LAMA2: variants seen among roughly 807,000 people sequenced by gnomAD.
LAMA2 encodes laminin subunit alpha-2.
LAMA2 carries 269 observed loss-of-function variants against 364.8 expected under a neutral mutation model. The ratio of observed to expected loss-of-function variants is 0.74; its 90% CI spans 0.67 to 0.82. The LOEUF (loss-of-function observed/expected upper bound fraction) is 0.82, where lower values mean the gene tolerates loss of function less well. Ranked by LOEUF, LAMA2 falls within the 40% of genes least tolerant of loss-of-function variation. The probability of loss-of-function intolerance (pLI) is 0.00; values close to 1 mark genes in which losing one functional copy is unlikely to be tolerated. For synonymous variants in LAMA2, 1,379 were observed against 1,370.6 expected, an observed-to-expected ratio of 1.01 and a Z score of -0.14; for missense variants, 3,807 against 3,873.2, an observed-to-expected ratio of 0.98 and a Z score of 0.45.
chr6:129,340,696 G>T (rs537593474), intron 29 of LAMA2, among the ~76,000 whole-genome samples: 1 of 151,810 alleles, frequency 6.6e-6, no homozygotes, highest in South Asian at 2.1e-4. Context: ...AATTAGCCTG[G>T]CGTGGTGGTA....
rs903222875 is a variant in LAMA2, at chr6:128,980,118, C to T, written c.113-69800C>T. 2.6e-5 allele frequency among the ~76,000 whole-genome samples: 4 copies of T among 152,238 alleles called. No individual in the cohort carries two copies. In the South Asian group the frequency reaches 8.3e-4, roughly 32 times the overall value. On this transcript the variant is annotated intron_variant, in intron 1 of 64. Transcript: ENST00000421865. ...CATAATTGCTGATATAGCCACCTGA[C>T]AGATCAGTAACCTCAGTGTAGCTGG...
chr6:129,288,817 A>G (rs1164986903), intron 19 of LAMA2, among the ~76,000 whole-genome samples: 1 of 152,220 alleles, frequency 6.6e-6, no homozygotes, highest in Non-Finnish European at 1.5e-5. Flanking sequence ...AAGTGAATCC[A>G]ATGTTAGCAT....
rs914317542 is a variant in LAMA2, at chr6:129,082,256, C to G, written c.397-15917C>G. Among the ~76,000 whole-genome samples the G allele has an allele frequency of 4.6e-5, 7 of 151,996 alleles. No homozygotes were observed. The South Asian group carries it at 8.3e-4, about 18-fold the overall frequency. On this transcript the variant is annotated intron_variant, in intron 3 of 64. Coordinates refer to ENST00000421865, the MANE Select transcript of LAMA2 (RefSeq NM_000426.4). The stretch of plus-strand genomic sequence containing the variant: ...ATATTGAATAATGCATTGCTTTGCT[C>G]AATTTTCTCATCTCTGAGCTTTCCT...
intron 19 of LAMA2, among the ~76,000 whole-genome samples, chr6:129,289,032 C>T (rs763789951): frequency 8.5e-5 from 13 of 152,110 alleles, no homozygotes; most frequent in Non-Finnish European, 1.3e-4. Flanking sequence ...CAGTAGGGTA[C>T]CCTATTTCAT....
intron 3 of LAMA2, among the ~76,000 whole-genome samples, chr6:129,077,462 C>T (rs7759703): frequency 0.95 from 145,085 of 152,286 alleles, 69,189 homozygotes; most frequent in East Asian, 0.97. Flanking sequence ...ATAACTGAGA[C>T]TTTGCAGATT....
chr6:128,886,646 G>A (rs2114369737), intron 1 of LAMA2, among the ~76,000 whole-genome samples: 1 of 152,228 alleles, frequency 6.6e-6, no homozygotes, highest in African/African-American at 2.4e-5. Flanking sequence ...GCAATCATAA[G>A]GACTGTCCTC....
At chr6:128,943,303 G>A (rs547587078) in intron 1 of LAMA2, among the ~76,000 whole-genome samples, 259 of 137,080 alleles carry the variant, frequency 1.9e-3, no homozygotes, top group African/African-American at 6.5e-3. Flanking sequence ...GAGAGAGAGA[G>A]AGAGTCAGTC....
chr6:129,347,503 A>G (rs1713655996), intron 30 of LAMA2, among the ~76,000 whole-genome samples: 2 of 152,162 alleles, frequency 1.3e-5, no homozygotes, highest in South Asian at 4.1e-4. Flanking sequence ...GGAACAACCA[A>G]TGAACTGGGA....
chr6:129,092,306 TCAAA>T lies in LAMA2; in HGVS notation c.397-5864_397-5861del, dbSNP rs373651341. On this transcript the variant is annotated intron_variant, in intron 3 of 64. Coordinates refer to ENST00000421865, the MANE Select transcript of LAMA2 (RefSeq NM_000426.4). Reference sequence around the variant, plus strand: ...AATTGTATTGGCTATATGTATCAACTCAAACAGAGAGACATTACCTGCAGTTCTA... The same window carrying T: ...AATTGTATTGGCTATATGTATCAACTCAGAGAGACATTACCTGCAGTTCTA... Among the ~76,000 whole-genome samples the T allele has an allele frequency of 3.3e-3, 503 of 152,330 alleles. 2 individuals are homozygous for T. Among genetic ancestry groups the T allele is most frequent in the African/African-American group, 0.011 (476 of 41,572 alleles).
intron 1 of LAMA2, among the ~76,000 whole-genome samples, chr6:129,043,111 A>G (rs1026880513): frequency 6.6e-6 from 1 of 152,194 alleles, no homozygotes; most frequent in Admixed American, 6.5e-5. Flanking sequence ...TACATTCCCA[A>G]CAGCAATGCA....
At chr6:128,907,670 T>C (rs1262899714) in intron 1 of LAMA2, among the ~76,000 whole-genome samples, 5 of 152,284 alleles carry the variant, frequency 3.3e-5, no homozygotes, top group African/African-American at 9.6e-5. Context: ...TCCAACACTA[T>C]ATTGAATAGG....
intron 1 of LAMA2, among the ~76,000 whole-genome samples, chr6:128,963,183 CT>C (rs1042296364): frequency 3.3e-5 from 5 of 152,030 alleles, no homozygotes; most frequent in African/African-American, 1.2e-4. Flanking sequence ...GTTAAAGCCC[CT>C]ATCCTCCCTC....
At chr6:129,310,103 G>T (rs1774125305) in intron 22 of LAMA2, among the ~76,000 whole-genome samples, 1 of 151,734 alleles carries the variant, frequency 6.6e-6, no homozygotes, top group Non-Finnish European at 1.5e-5. Flanking sequence ...GTTTCACCGT[G>T]TTAGCCAGGA....
chr6:129,409,454 C>A (rs1397485969), intron 40 of LAMA2, among the ~76,000 whole-genome samples: 1 of 152,200 alleles, frequency 6.6e-6, no homozygotes, highest in Non-Finnish European at 1.5e-5. Context: ...ATACCACTTA[C>A]AGTTGATGAT....
intron 3 of LAMA2, among the ~76,000 whole-genome samples, chr6:129,076,850 T>G (rs1773698043): frequency 6.6e-6 from 1 of 152,110 alleles, no homozygotes; most frequent in African/African-American, 2.4e-5. Context: ...AAGGTCATGG[T>G]AGATTAATGT....
At chr6:129,058,837 A>G (rs963918981) in intron 2 of LAMA2, among the ~76,000 whole-genome samples, 2 of 152,236 alleles carry the variant, frequency 1.3e-5, no homozygotes, top group African/African-American at 2.4e-5. Flanking sequence ...CAATAACCCA[A>G]TAGGAGCATA....
intron 9 of LAMA2, among the ~76,000 whole-genome samples, chr6:129,175,735 A>G (rs996846727): frequency 6.6e-6 from 1 of 152,126 alleles, no homozygotes. Flanking sequence ...AGAAATACCT[A>G]ATGTAGATGA....
intron 1 of LAMA2, among the ~76,000 whole-genome samples, chr6:129,018,347 C>A (rs1473391002): frequency 6.6e-6 from 1 of 151,696 alleles, no homozygotes; most frequent in Non-Finnish European, 1.5e-5. Context: ...GAAGGCAAAT[C>A]TTCACATATG....
chr6:129,167,810 T>A (rs1397740311), intron 9 of LAMA2, among the ~76,000 whole-genome samples: 2 of 151,228 alleles, frequency 1.3e-5, no homozygotes, highest in African/African-American at 2.5e-5. Flanking sequence ...TTTCTCCACA[T>A]CCTCTCCAGC....
Sources: gnomAD v4.1 joint callset for allele counts (sites outside exome capture counted in the v4.1 genomes callset) on GRCh38, gnomAD v4.1.1 for gene constraint, MANE v1.5 for transcripts, NCBI Gene and HGNC (gene_info 2026-07-23, HGNC 2026-07-21) for gene names.